Variants in TOGARAM2 observed in about 807,000 individuals in gnomAD.
The protein encoded by TOGARAM2 is TOG array regulator of axonemal microtubules 2, also known as TOG array regulator of axonemal microtubules protein 2.
TOGARAM2 carries 85 observed loss-of-function variants against 93.3 expected under a neutral mutation model. The observed-to-expected ratio is 0.91, with a 90% CI of 0.76 to 1.09. The LOEUF (loss-of-function observed/expected upper bound fraction) is 1.09. Ranked by LOEUF, TOGARAM2 falls within the 50% of genes least tolerant of loss-of-function variation. The pLI, the probability that TOGARAM2 is intolerant of heterozygous loss-of-function variation, is 0.00. For missense variants in TOGARAM2, 1,277 were observed against 1,334.5 expected (o/e 0.96, Z 0.67); for synonymous variants, 593 against 552.8 (o/e 1.07, Z -1.02).
intron 1 of TOGARAM2, among the ~76,000 whole-genome samples, chr2:28,971,308 C>A (rs1671944338): frequency 6.6e-6 from 1 of 152,016 alleles, no homozygotes; most frequent in Non-Finnish European, 1.5e-5. Flanking sequence ...ACCTCCCAGG[C>A]TCAAGCGATC....
rs138154448 is a variant in TOGARAM2 at position 28,960,309 on chromosome 2, T to G, written c.-147+3612T>G. Among the ~76,000 whole-genome samples, 243 of 152,332 alleles carry G rather than the reference T, an allele frequency of 1.6e-3. 3 individuals carry two copies. Among genetic ancestry groups the G allele is most frequent in the African/African-American group, 5.5e-3 (228 of 41,584 alleles). On this transcript the variant is annotated intron_variant, in intron 1 of 6. Transcript: ENST00000401723. ...TCCTGCAATAACTACAATACCATTC[T>G]TATATCTCTGAAGCTCCAAACCGTA...
intron 18 of TOGARAM2, among the ~76,000 whole-genome samples, chr2:29,044,258 G>T (rs115892974): frequency 2.0e-4 from 30 of 152,128 alleles, no homozygotes; most frequent in African/African-American, 7.0e-4. Context: ...CTCCCGAAAG[G>T]CATATTGGGG....
At chr2:29,033,160 T>C (rs574278983) in intron 15 of TOGARAM2, 109 bp downstream of exon 15, 2 of 870,934 alleles carry the variant, frequency 2.3e-6, no homozygotes, top group African/African-American at 3.4e-5. Context: ...ATTCCAGAGA[T>C]GTTGATTTCA....
At chr2:29,023,049 C>T (rs986453794) in intron 11 of TOGARAM2, 37 bp from the exon 12 acceptor site, 1 of 1,546,482 alleles carries the variant, frequency 6.5e-7, no homozygotes, top group Admixed American at 1.9e-5. Flanking sequence ...TCCTCCCTCT[C>T]CACCCTTCTG....
At chr2:28,957,860 C>T (rs1180567397) in intron 1 of TOGARAM2, among the ~76,000 whole-genome samples, 2 of 152,058 alleles carry the variant, frequency 1.3e-5, no homozygotes, top group Non-Finnish European at 1.5e-5. Context: ...TCTCTCACAG[C>T]TGGGTGTTCA....
chr2:28,957,785 T>C (rs1671748194), intron 1 of TOGARAM2, among the ~76,000 whole-genome samples: 1 of 152,126 alleles, frequency 6.6e-6, no homozygotes, highest in South Asian at 2.1e-4. Context: ...GAGTAGGGGG[T>C]CTACAAGGGT....
chr2:29,033,835 G>A (rs1265496516), intron 16 of TOGARAM2, among the ~76,000 whole-genome samples: 1 of 152,110 alleles, frequency 6.6e-6, no homozygotes, highest in Admixed American at 6.5e-5. Context: ...CACTAGCATC[G>A]GTGGTTGGAC....
chr2:29,005,464 A>G (rs557183251), intron 6 of TOGARAM2, among the ~76,000 whole-genome samples: 1,313 of 84,984 alleles, frequency 0.015, 22 homozygotes, highest in African/African-American at 0.054. Flanking sequence ...AGCATGTGTG[A>G]CTGCATGTGT....
At chr2:29,026,527 G>T (rs1008121205) in intron 13 of TOGARAM2, among the ~76,000 whole-genome samples, 3 of 152,170 alleles carry the variant, frequency 2.0e-5, no homozygotes, top group African/African-American at 7.2e-5. Context: ...TTTTCTAGGT[G>T]GAGGGAAGAT....
chr2:29,002,156 G>A (rs1349966833), intron 4 of TOGARAM2, among the ~76,000 whole-genome samples: 2 of 152,208 alleles, frequency 1.3e-5, no homozygotes, highest in African/African-American at 4.8e-5. Context: ...TATAAGTGAT[G>A]TTATTGAATC....
Position 29,024,201 on chromosome 2 carries a change from G to A in TOGARAM2, c.1680G>A (p.Gln560=). 1.9e-6 allele frequency: 3 copies of A among 1,605,934 alleles called. No homozygotes were observed. Among genetic ancestry groups the A allele is most frequent in the South Asian group, 1.1e-5 (1 of 89,320 alleles). ...LAISTLGDLF[Q]ALKKNMDQEA... is the part of the protein sequence containing the mutation. ...TCAGCACCTTGGGAGACCTCTTCCA[G>A]GCCTTGAAGAAGAATATGGACCAGG... Residue 560 remains glutamine, a synonymous_variant, in exon 13 of 20, where the codon CAG becomes CAA. Transcript: ENST00000379558.
At position 29,003,655 on chromosome 2, in the gene TOGARAM2, T is replaced by C; in HGVS notation, c.803T>C (p.Leu268Pro). The C allele has an allele frequency of 1.3e-6, 2 of 1,577,724 alleles. No individual in the cohort carries two copies. Among genetic ancestry groups the C allele is most frequent in the Admixed American group, 1.8e-5 (1 of 54,106 alleles). Residue 268 changes from leucine to proline, a missense_variant, in exon 6 of 20, where the codon CTC (leucine) becomes CCC (proline). By Grantham distance (98) the Leu-to-Pro change is moderately conservative. Coordinates refer to ENST00000379558, the MANE Select transcript of TOGARAM2 (RefSeq NM_199280.4). ...PSPLPPGQGV[L>P]TGLRAPRTRL... ...CCGTTACCTCCAGGCCAGGGAGTCC[T>C]CACAGGCCTGAGGGCCCCACGCACG...
rs780629211 is a variant in TOGARAM2 at position 29,022,230 on chromosome 2, C to G, written c.1433C>G (p.Ala478Gly). Reference sequence around the variant, plus strand: ...GAAGAGGAGGAGATGGATCTTAGAGCCTGTAAGGAGTTGAGGCCTTTCTCG... The same window carrying G: ...GAAGAGGAGGAGATGGATCTTAGAGGCTGTAAGGAGTTGAGGCCTTTCTCG... Reference protein sequence around the residue: ...WEEEEEMDLRACKELRPFSNP... With the variant: ...WEEEEEMDLRGCKELRPFSNP... Residue 478 changes from alanine (A) to glycine (G), a missense_variant, in exon 11 of 20, where the codon GCC (alanine) becomes GGC (glycine). Physicochemically the swap from Ala to Gly is moderately conservative, Grantham distance 60. Transcript: ENST00000379558. 1.6e-5 allele frequency: 26 copies of G among 1,613,908 alleles called. No individual in the cohort carries two copies. Among genetic ancestry groups the G allele is most frequent in the African/African-American group, 2.7e-5 (2 of 74,930 alleles).
At chr2:29,046,226 A>C (rs887977709) in intron 19 of TOGARAM2, 2 of 152,282 alleles carry the variant, frequency 1.3e-5, no homozygotes, top group Non-Finnish European at 2.9e-5. Context: ...GGAGAAGTCC[A>C]AGTGACTTCA....
intron 1 of TOGARAM2, among the ~76,000 whole-genome samples, chr2:28,994,046 A>G (rs756215716): frequency 6.6e-6 from 1 of 152,166 alleles, no homozygotes; most frequent in Non-Finnish European, 1.5e-5. Context: ...GGATTCATAG[A>G]ATTGTGTGAA....
chr2:28,968,882 T>C (rs1341667152), intron 1 of TOGARAM2, among the ~76,000 whole-genome samples: 1 of 105,584 alleles, frequency 9.5e-6, no homozygotes, highest in Non-Finnish European at 2.2e-5. Flanking sequence ...TGCTTCTGAG[T>C]GAAGTACTCC....
At chr2:29,039,496 G>T (rs983070391) in intron 18 of TOGARAM2, among the ~76,000 whole-genome samples, 5 of 152,168 alleles carry the variant, frequency 3.3e-5, no homozygotes, top group Admixed American at 6.5e-5. Flanking sequence ...GGACCTTCTA[G>T]AACTCACTAA....
chr2:29,048,829 C>G (rs59885198), intron 19 of TOGARAM2: 1 of 148,372 alleles, frequency 6.7e-6, no homozygotes, highest in Non-Finnish European at 1.5e-5. Flanking sequence ...CAGGCGCCCA[C>G]CACAACACCC....
chr2:28,980,210 A>C (rs1027143939), upstream of TOGARAM2, among the ~76,000 whole-genome samples: 1 of 152,156 alleles, frequency 6.6e-6, no homozygotes, highest in Non-Finnish European at 1.5e-5. Context: ...CCTTGTTCTC[A>C]GTCATAATTG....
Sources: gnomAD v4.1 joint callset for allele counts (sites outside exome capture counted in the v4.1 genomes callset) on GRCh38, gnomAD v4.1.1 for gene constraint, MANE v1.5 for transcripts, NCBI Gene and HGNC (gene_info 2026-07-23, HGNC 2026-07-21) for gene names.